OR9Q1: variants seen among roughly 807,000 people sequenced by gnomAD.
OR9Q1 encodes the protein olfactory receptor family 9 subfamily Q member 1.
For synonymous variants in OR9Q1, 153 were observed against 148.6 expected (o/e 1.03, Z -0.22); for missense variants, 374 against 378.8 (o/e 0.99, Z 0.11).
Position 58,180,392 on chromosome 11 carries a change from G to C in OR9Q1, c.*15G>C. ...AGTTGTCCTAACCATCTCCAAACTT[G>C]GAAAATCCCGAGAACCACCTACTCT... On this transcript the variant is annotated 3_prime_UTR_variant, in exon 3 of 3. Transcript: ENST00000335397. 6.6e-7 allele frequency: 1 copy of C among 1,522,848 alleles called. No individual in the cohort carries two copies. Among genetic ancestry groups the C allele is most frequent in the South Asian group, 1.3e-5 (1 of 78,390 alleles). The allele number at this position is 1,522,848 out of a possible 1,614,324, so 94.3% of individuals were successfully genotyped here. A position where few individuals can be genotyped will look rare whatever the true frequency, so the allele number is the denominator to read the frequency against.
At chr11:58,053,586 C>G (rs1406900468) in intron 1 of OR9Q1, among the ~76,000 whole-genome samples, 1 of 54,320 alleles carries the variant, frequency 1.8e-5, no homozygotes, top group Non-Finnish European at 4.2e-5. Flanking sequence ...TACCCTAAAA[C>G]TTAAAGTATA....
At chr11:58,040,157 T>C (rs1166883089) in intron 1 of OR9Q1, among the ~76,000 whole-genome samples, 2 of 152,202 alleles carry the variant, frequency 1.3e-5, no homozygotes, top group East Asian at 3.8e-4. Flanking sequence ...TGTACAGTGA[T>C]ACCCTGAGTA....
chr11:58,157,982 C>T (rs565394604), intron 2 of OR9Q1, among the ~76,000 whole-genome samples: 14 of 152,284 alleles, frequency 9.2e-5, no homozygotes, highest in Non-Finnish European at 2.1e-4. Context: ...AAATAGAAAT[C>T]TATTCAAACT....
intron 2 of OR9Q1, chr11:58,118,642 A>G (rs1367691348): frequency 1.2e-6 from 2 of 1,613,912 alleles, no homozygotes; most frequent in East Asian, 4.5e-5. Flanking sequence ...GTCTTCCTCC[A>G]GAGATTTGCC....
At chr11:58,033,851 A>G in intron 1 of OR9Q1, among the ~76,000 whole-genome samples, 1 of 152,298 alleles carries the variant, frequency 6.6e-6, no homozygotes, top group Non-Finnish European at 1.5e-5. Flanking sequence ...TATATTAGAT[A>G]AAGTAAAATG....
chr11:58,168,197 T>TA (rs1854523605), intron 2 of OR9Q1, among the ~76,000 whole-genome samples: 1 of 152,212 alleles, frequency 6.6e-6, no homozygotes, highest in South Asian at 2.1e-4. Context: ...AATAACTCAG[T>TA]AAAGATATTC....
At chr11:58,136,307 G>T (rs1307626340) in intron 2 of OR9Q1, among the ~76,000 whole-genome samples, 1 of 152,138 alleles carries the variant, frequency 6.6e-6, no homozygotes, top group Non-Finnish European at 1.5e-5. Flanking sequence ...GTGGAGCATG[G>T]TGGGTTCATG....
At chr11:58,112,059 AG>A (rs1741387694) in intron 2 of OR9Q1, among the ~76,000 whole-genome samples, 1 of 152,108 alleles carries the variant, frequency 6.6e-6, no homozygotes, top group African/African-American at 2.4e-5. Context: ...AGGCAGAGGC[AG>A]GTGGATCACC....
chr11:58,176,776 C>T lies in OR9Q1; in HGVS notation c.-14-2655C>T, dbSNP rs140902441. On this transcript the variant is annotated intron_variant, in intron 2 of 2. Coordinates refer to ENST00000335397, the MANE Select transcript of OR9Q1 (RefSeq NM_001005212.4). ...TAGGAGGGAAGAGGACACTGTGGCT[C>T]CAGGAGATTTGCTTAGCATTATAAC... is the stretch of plus-strand genomic sequence containing the variant. 4.3e-3 allele frequency among the ~76,000 whole-genome samples: 661 copies of T among 152,084 alleles called. 4 individuals carry two copies. In the Middle Eastern group the frequency reaches 0.058, roughly 13 times the overall value.
intron 2 of OR9Q1, among the ~76,000 whole-genome samples, chr11:58,071,366 T>C (rs1350746033): frequency 1.3e-5 from 2 of 152,126 alleles, no homozygotes; most frequent in East Asian, 1.9e-4. Context: ...TGCATGCCTG[T>C]AGTCCCTGCT....
At chr11:58,148,844 G>T (rs190252265) in intron 2 of OR9Q1, among the ~76,000 whole-genome samples, 1 of 152,278 alleles carries the variant, frequency 6.6e-6, no homozygotes, top group Non-Finnish European at 1.5e-5. Context: ...TGGGCTGTCG[G>T]CTTCCCTGTA....
At chr11:58,066,867 G>T (rs1007304562) in intron 2 of OR9Q1, among the ~76,000 whole-genome samples, 1 of 152,152 alleles carries the variant, frequency 6.6e-6, no homozygotes, top group Non-Finnish European at 1.5e-5. Flanking sequence ...CCAGGGAGAG[G>T]CTGTAAAACA....
At chr11:58,166,708 A>G (rs563361850) in intron 2 of OR9Q1, among the ~76,000 whole-genome samples, 1 of 152,194 alleles carries the variant, frequency 6.6e-6, no homozygotes, top group Admixed American at 6.5e-5. Context: ...TTTTTTGCAT[A>G]GTTTGGTTCA....
rs531400767 is a variant in OR9Q1, at chr11:58,081,171, T to TATTC, written c.-15+25225_-15+25228dup. ...CTCATCCTTTTTTGTGGCTGCATAGTATTCCATGGTGTATATGTGCCACAT... is the reference window on the plus strand; with the variant it reads ...CTCATCCTTTTTTGTGGCTGCATAGTATTCATTCCATGGTGTATATGTGCCACAT... On this transcript the variant is annotated intron_variant, in intron 2 of 2. Transcript: ENST00000335397. Among the ~76,000 whole-genome samples the TATTC allele has an allele frequency of 3.1e-3, 465 of 152,360 alleles. 1 individual carries two copies. Among genetic ancestry groups the TATTC allele is most frequent in the African/African-American group, 0.01 (435 of 41,584 alleles).
chr11:58,082,131 T>A lies in OR9Q1; in HGVS notation c.-15+26184T>A, dbSNP rs192362473. On this transcript the variant is annotated intron_variant, in intron 2 of 2. Transcript: ENST00000335397. ...GAAACAACAGGTGCTGGAGAGGATG[T>A]GGAGAAATAGGAACATTTTTACACT... Among the ~76,000 whole-genome samples the A allele has an allele frequency of 5.9e-3, 891 of 152,180 alleles. 8 individuals carry two copies. Among genetic ancestry groups the A allele is most frequent in the African/African-American group, 0.021 (860 of 41,520 alleles).
chr11:58,037,245 C>A (rs1319360903), intron 1 of OR9Q1, among the ~76,000 whole-genome samples: 1 of 152,098 alleles, frequency 6.6e-6, no homozygotes, highest in Non-Finnish European at 1.5e-5. Context: ...AAGGTATGTA[C>A]ATTTTCTTAG....
intron 2 of OR9Q1, chr11:58,119,527 T>G (rs1229606699): frequency 1.0e-6 from 1 of 958,956 alleles, no homozygotes; most frequent in Non-Finnish European, 1.6e-6. Context: ...TTTCCCTCTA[T>G]GGTGGAAGTT....
chr11:58,053,632 A>ATATATATAT (rs59731680), intron 1 of OR9Q1, among the ~76,000 whole-genome samples: 31,454 of 118,326 alleles, frequency 0.27, 4,673 homozygotes, highest in East Asian at 0.62. Context: ...TATATAAAAT[A>ATATATATAT]TATATATATA....
At chr11:58,137,831 T>C (rs1333739224) in intron 2 of OR9Q1, among the ~76,000 whole-genome samples, 3 of 152,202 alleles carry the variant, frequency 2.0e-5, no homozygotes, top group Non-Finnish European at 4.4e-5. Context: ...AGGCAGTTTA[T>C]ATAAAATACC....
Sources: gnomAD v4.1 joint callset for allele counts (sites outside exome capture counted in the v4.1 genomes callset) on GRCh38, gnomAD v4.1.1 for gene constraint, MANE v1.5 for transcripts, NCBI Gene and HGNC (gene_info 2026-07-23, HGNC 2026-07-21) for gene names.